The following SMYD3 variants were observed in gnomAD, a reference collection of about 807,000 sequenced individuals.
SMYD3 encodes histone-lysine N-methyltransferase SMYD3.
SMYD3 carries 36 observed loss-of-function variants against 57.7 expected under a neutral mutation model. The ratio of observed to expected loss-of-function variants is 0.62; its 90% CI spans 0.48 to 0.82. The LOEUF (loss-of-function observed/expected upper bound fraction) is 0.82, where lower values mean the gene tolerates loss of function less well. Among genes scored for constraint, SMYD3 ranks in the 40% least tolerant of loss-of-function variants. The pLI, the probability that SMYD3 is intolerant of heterozygous loss-of-function variation, is 0.00. For synonymous variants in SMYD3, 211 were observed against 195.0 expected (o/e 1.08, Z -0.68); for missense variants, 515 against 538.8 (o/e 0.96, Z 0.44).
At chr1:246,002,485 A>AT (rs1418274279) in intron 5 of SMYD3, among the ~76,000 whole-genome samples, 3 of 60,216 alleles carry the variant, frequency 5.0e-5, no homozygotes, top group East Asian at 4.9e-4. Context: ...CGCCCGGCTA[A>AT]TTTTTTGTAT....
chr1:246,437,495 T>C (rs1345373821), intron 1 of SMYD3, among the ~76,000 whole-genome samples: 1 of 152,212 alleles, frequency 6.6e-6, no homozygotes, highest in Non-Finnish European at 1.5e-5. Context: ...GATTGCCCTA[T>C]AACCTCAGCA....
rs1424581228 is a variant in SMYD3, at chr1:246,503,150, A to G, written c.164+3904T>C. 5.3e-5 allele frequency among the ~76,000 whole-genome samples: 8 copies of G among 152,104 alleles called. 1 individual carries two copies. Among genetic ancestry groups the G allele is most frequent in the Admixed American group, 5.2e-4 (8 of 15,276 alleles). On this transcript the variant is annotated intron_variant, in intron 1 of 11. Transcript: ENST00000490107. ...AGCCAGCCAAGAAAGATCAGAACAC[A>G]TATTTCTCACAATCTGTTTTCCCTA... is the stretch of plus-strand genomic sequence containing the variant.
intron 5 of SMYD3, among the ~76,000 whole-genome samples, chr1:246,106,151 C>G (rs6681797): frequency 6.6e-6 from 1 of 151,998 alleles, no homozygotes; most frequent in Admixed American, 6.5e-5. Flanking sequence ...AACCCATATC[C>G]GGAAAATTAA....
At chr1:246,476,711 G>A (rs1205554489) in intron 1 of SMYD3, among the ~76,000 whole-genome samples, 1 of 152,112 alleles carries the variant, frequency 6.6e-6, no homozygotes, top group African/African-American at 2.4e-5. Flanking sequence ...AAAAGAACTT[G>A]ATTTGTTCAA....
At chr1:246,469,135 TGTGGCCAGTCTCCTTGGCCACTCACTGGA>T (rs1455986205) in intron 1 of SMYD3, among the ~76,000 whole-genome samples, 1 of 152,230 alleles carries the variant, frequency 6.6e-6, no homozygotes, top group African/African-American at 2.4e-5. Flanking sequence ...AGTTGCCATA[TGTGGCCAGTCTCCTTGGCCACTCACTGGA>T]GAGGCCTCTC....
At chr1:246,116,118 C>T (rs546113513) in intron 5 of SMYD3, among the ~76,000 whole-genome samples, 1 of 151,156 alleles carries the variant, frequency 6.6e-6, no homozygotes, top group South Asian at 2.1e-4. Context: ...CCAGCCTGGG[C>T]GACAAGGGCG....
intron 1 of SMYD3, among the ~76,000 whole-genome samples, chr1:246,465,347 T>C (rs1010428763): frequency 1.3e-5 from 2 of 152,186 alleles, no homozygotes; most frequent in African/African-American, 4.8e-5. Flanking sequence ...AATTCACAAA[T>C]CAGTAATAAT....
chr1:246,457,772 C>T (rs1322375909), intron 1 of SMYD3, among the ~76,000 whole-genome samples: 1 of 152,106 alleles, frequency 6.6e-6, no homozygotes, highest in East Asian at 1.9e-4. Context: ...CACTGCCTAC[C>T]TACTATCCAA....
At chr1:246,126,936 A>G (rs1457637920) in intron 5 of SMYD3, among the ~76,000 whole-genome samples, 5 of 152,092 alleles carry the variant, frequency 3.3e-5, no homozygotes, top group Non-Finnish European at 7.4e-5. Flanking sequence ...TATTATTAAT[A>G]CATTTCATTT....
chr1:246,314,086 CCACT>C (rs1224937595), intron 5 of SMYD3, among the ~76,000 whole-genome samples: 1 of 152,196 alleles, frequency 6.6e-6, no homozygotes, highest in Non-Finnish European at 1.5e-5. Context: ...CACCCTCCTC[CCACT>C]CAAACTACCA....
chr1:246,306,681 T>C (rs2148623857), intron 5 of SMYD3, among the ~76,000 whole-genome samples: 1 of 152,342 alleles, frequency 6.6e-6, no homozygotes, highest in South Asian at 2.1e-4. Context: ...TGTAAAACTC[T>C]GCACTACAAA....
At chr1:246,495,834 C>T (rs2068352096) in intron 1 of SMYD3, among the ~76,000 whole-genome samples, 1 of 151,584 alleles carries the variant, frequency 6.6e-6, no homozygotes, top group African/African-American at 2.4e-5. Flanking sequence ...CATCTGTGGT[C>T]CCAGCTACTC....
intron 5 of SMYD3, among the ~76,000 whole-genome samples, chr1:246,090,054 A>T (rs1376898047): frequency 6.6e-6 from 1 of 152,142 alleles, no homozygotes; most frequent in Admixed American, 6.5e-5. Context: ...AGCAGTCACC[A>T]TCACAAATTC....
intron 10 of SMYD3, among the ~76,000 whole-genome samples, chr1:245,839,331 A>G (rs560271638): frequency 8.5e-5 from 13 of 152,114 alleles, no homozygotes; most frequent in East Asian, 1.9e-4. Context: ...CACAGCGCCC[A>G]GCTAAGTTTT....
rs111678290 is a variant in SMYD3 at position 245,945,536 on chromosome 1, C to T, written c.532-15599G>A. Among the ~76,000 whole-genome samples, 536 of 152,256 alleles carry T rather than the reference C, an allele frequency of 3.5e-3. 3 individuals are homozygous for T. Among genetic ancestry groups the T allele is most frequent in the African/African-American group, 0.012 (484 of 41,550 alleles). On this transcript the variant is annotated intron_variant, in intron 5 of 11. Transcript: ENST00000490107. ...TGGTTGATGAGAATGTAAATTTGTT[C>T]AATCATTGTGCAAGAGTGTGGCAAT...
chr1:246,473,489 T>G (rs2067987733), intron 1 of SMYD3, among the ~76,000 whole-genome samples: 1 of 152,180 alleles, frequency 6.6e-6, no homozygotes, highest in African/African-American at 2.4e-5. Flanking sequence ...TCAGAACCAT[T>G]TTTCTAAAAA....
At chr1:246,066,706 C>T (rs1432441044) in intron 5 of SMYD3, among the ~76,000 whole-genome samples, 1 of 152,168 alleles carries the variant, frequency 6.6e-6, no homozygotes, top group Non-Finnish European at 1.5e-5. Flanking sequence ...TTGTAATCTG[C>T]TCCTTGTGTG....
chr1:246,083,042 C>G (rs551307279), intron 5 of SMYD3, among the ~76,000 whole-genome samples: 6 of 151,632 alleles, frequency 4.0e-5, no homozygotes, highest in Non-Finnish European at 7.4e-5. Context: ...CCCCATGTGA[C>G]AGTCTGAAAT....
At chr1:245,922,893 G>A (rs1293944726) in intron 7 of SMYD3, among the ~76,000 whole-genome samples, 2 of 152,110 alleles carry the variant, frequency 1.3e-5, no homozygotes, top group Non-Finnish European at 2.9e-5. Context: ...AGTTTTCTAA[G>A]ATTCCAAAGA....
Sources: allele counts gnomAD v4.1 joint callset (sites outside exome capture counted in the v4.1 genomes callset), GRCh38; gene constraint gnomAD v4.1.1; transcripts MANE v1.5; gene names NCBI Gene and HGNC (gene_info 2026-07-23, HGNC 2026-07-21).